PDE8B: variants seen among roughly 807,000 people sequenced by gnomAD.
PDE8B encodes phosphodiesterase 8B, also known as high affinity cAMP-specific and IBMX-insensitive 3',5'-cyclic phosphodiesterase 8B.
In PDE8B, 26 loss-of-function variants were observed where a neutral mutation model predicts 101.3. That is an observed-to-expected ratio of 0.26 (90% CI 0.19 to 0.36). The LOEUF is 0.36. PDE8B is among the 10% of genes least tolerant of loss of function. The pLI is 1.00. For missense variants in PDE8B, 810 were observed against 1,163.1 expected, an observed-to-expected ratio of 0.70 and a Z score of 4.42; for synonymous variants, 424 against 429.3, an observed-to-expected ratio of 0.99 and a Z score of 0.15.
At chr5:77,107,997 C>T in the PDE8B span, among the ~76,000 whole-genome samples, 2 of 152,098 alleles carry the variant, frequency 1.3e-5, no homozygotes, top group African/African-American at 2.4e-5. Flanking sequence ...TGTAACAGAT[C>T]GCAGTCATTC....
At chr5:77,290,504 T>C (rs1337671054) in intron 1 of PDE8B, 14 of 1,469,588 alleles carry the variant, frequency 9.5e-6, no homozygotes, top group African/African-American at 1.4e-5. Context: ...ATATTCCTGC[T>C]CCAAAACGAG....
intron 10 of PDE8B, among the ~76,000 whole-genome samples, chr5:77,389,587 C>T (rs369536055): frequency 4.6e-5 from 7 of 152,176 alleles, no homozygotes; most frequent in African/African-American, 7.2e-5. Flanking sequence ...ATCCCCATCA[C>T]GATATTAAAC....
chr5:77,311,411 T>G (rs910607389), intron 1 of PDE8B, among the ~76,000 whole-genome samples: 1 of 152,216 alleles, frequency 6.6e-6, no homozygotes, highest in African/African-American at 2.4e-5. Flanking sequence ...TTGCTCAGTT[T>G]ATTTGTGGAA....
the PDE8B span, among the ~76,000 whole-genome samples, chr5:77,129,234 A>G: frequency 6.6e-6 from 1 of 152,184 alleles, no homozygotes; most frequent in Admixed American, 6.5e-5. Flanking sequence ...ATGGGTCTCT[A>G]GTTGTTTTAA....
the PDE8B span, among the ~76,000 whole-genome samples, chr5:77,160,374 A>G: frequency 6.6e-6 from 1 of 152,218 alleles, no homozygotes; most frequent in Admixed American, 6.5e-5. Context: ...CAGAATCCAC[A>G]GACAGGAAAA....
At chr5:77,243,216 T>C (rs1580525577) in intron 1 of PDE8B, among the ~76,000 whole-genome samples, 1 of 152,296 alleles carries the variant, frequency 6.6e-6, no homozygotes, top group East Asian at 1.9e-4. Context: ...ATATCTTCTA[T>C]GGTATGTCCA....
rs753944988 is a variant in PDE8B, at chr5:77,427,455, A to C, written c.*901A>C. The C allele has an allele frequency of 6.6e-6, 1 of 152,202 alleles. No individual in the cohort carries two copies. The highest frequency in any genetic ancestry group is 2.4e-5 in the African/African-American group (1 of 41,380). 9.4% of individuals were successfully genotyped at this position (152,202 alleles called of 1,614,324 possible). A position where few individuals can be genotyped will look rare whatever the true frequency, so the allele number is the denominator to read the frequency against. Reference sequence around the variant, plus strand: ...TGTTTAAAATTTTTATTAAAATCCAAATTTTCTGGGTGTAAGCCCATGCAG... The same window carrying C: ...TGTTTAAAATTTTTATTAAAATCCACATTTTCTGGGTGTAAGCCCATGCAG... On this transcript the variant is annotated 3_prime_UTR_variant, in exon 22 of 22. Coordinates refer to ENST00000264917, the MANE Select transcript of PDE8B (RefSeq NM_003719.5).
chr5:77,164,482 A>G, the PDE8B span, among the ~76,000 whole-genome samples: 20 of 152,230 alleles, frequency 1.3e-4, no homozygotes, highest in African/African-American at 4.3e-4. Flanking sequence ...GGTCAAAGCT[A>G]TAGGTTTACT....
chr5:77,270,814 T>C (rs1403118468), intron 1 of PDE8B, among the ~76,000 whole-genome samples: 1 of 152,204 alleles, frequency 6.6e-6, no homozygotes, highest in Non-Finnish European at 1.5e-5. Context: ...GCCCAGACTT[T>C]CTCTGGAAGC....
the PDE8B span, among the ~76,000 whole-genome samples, chr5:77,128,249 T>C: frequency 6.6e-6 from 1 of 152,314 alleles, no homozygotes; most frequent in East Asian, 1.9e-4. Context: ...GGATCTGCAC[T>C]TACCACTCAA....
chr5:77,388,804 C>T (rs1028479190), intron 10 of PDE8B, among the ~76,000 whole-genome samples: 1 of 152,170 alleles, frequency 6.6e-6, no homozygotes, highest in Non-Finnish European at 1.5e-5. Flanking sequence ...AGTCTGGCCA[C>T]AGCGGCCTTA....
At chr5:77,179,342 G>T in the PDE8B span, among the ~76,000 whole-genome samples, 2 of 152,188 alleles carry the variant, frequency 1.3e-5, no homozygotes, top group Non-Finnish European at 2.9e-5. Flanking sequence ...ACAGATTGTT[G>T]TTGGTCTTGG....
intron 18 of PDE8B, 50 bp from the exon 19 acceptor site, chr5:77,419,717 T>C (rs1796241145): frequency 7.5e-6 from 12 of 1,609,642 alleles, no homozygotes; most frequent in African/African-American, 1.3e-5. Context: ...AGAATAGTTA[T>C]AATTTGAGAC....
the PDE8B span, among the ~76,000 whole-genome samples, chr5:77,175,701 A>G: frequency 1.3e-5 from 2 of 152,250 alleles, no homozygotes; most frequent in East Asian, 3.8e-4. Context: ...TTACAGATCT[A>G]TCCTCAGCAC....
At chr5:77,363,858 T>C (rs373614101) in intron 10 of PDE8B, among the ~76,000 whole-genome samples, 1 of 152,142 alleles carries the variant, frequency 6.6e-6, no homozygotes, top group African/African-American at 2.4e-5. Context: ...AGGGTACAGT[T>C]GGTGCCCAGA....
At chr5:77,162,310 T>G in the PDE8B span, among the ~76,000 whole-genome samples, 2 of 152,142 alleles carry the variant, frequency 1.3e-5, no homozygotes, top group Admixed American at 6.5e-5. Flanking sequence ...ATCATGTCCG[T>G]GTATTGAATT....
At chr5:77,223,840 G>T (rs1243323737) in intron 1 of PDE8B, among the ~76,000 whole-genome samples, 3 of 152,226 alleles carry the variant, frequency 2.0e-5, no homozygotes, top group Non-Finnish European at 4.4e-5. Context: ...TGCTGCCTGA[G>T]TGGTGATGAT....
intron 6 of PDE8B, among the ~76,000 whole-genome samples, chr5:77,344,387 A>G (rs1779787036): frequency 6.6e-6 from 1 of 152,216 alleles, no homozygotes; most frequent in South Asian, 2.1e-4. Context: ...CATTGTTGAA[A>G]TATCGTTATG....
At chr5:77,273,801 G>GT (rs58877999) in intron 1 of PDE8B, among the ~76,000 whole-genome samples, 2,436 of 148,240 alleles carry the variant, frequency 0.016, 71 homozygotes, top group African/African-American at 0.055. Flanking sequence ...AGTTCCATCT[G>GT]TTTTTTTTTT....
Sources: gnomAD v4.1 joint callset for allele counts (sites outside exome capture counted in the v4.1 genomes callset) on GRCh38, gnomAD v4.1.1 for gene constraint, MANE v1.5 for transcripts, NCBI Gene and HGNC (gene_info 2026-07-23, HGNC 2026-07-21) for gene names.